The following EPHB1 variants were observed in gnomAD, a reference collection of about 807,000 sequenced individuals.
EPHB1 encodes ephrin type-B receptor 1.
Under a neutral mutation model 94.4 loss-of-function variants are expected in EPHB1, and 30 were observed. The ratio of observed to expected loss-of-function variants is 0.32; its 90% CI spans 0.24 to 0.43. The LOEUF is 0.43. Ranked by LOEUF, EPHB1 falls within the 20% of genes least tolerant of loss-of-function variation. EPHB1 has a pLI of 1.00. For synonymous variants in EPHB1, 522 were observed against 489.1 expected (o/e 1.07, Z -0.89); for missense variants, 1,055 against 1,308.3 (o/e 0.81, Z 2.99).
At chr3:134,883,401 G>A (rs113768221) in intron 1 of EPHB1, among the ~76,000 whole-genome samples, 1 of 152,178 alleles carries the variant, frequency 6.6e-6, no homozygotes, top group Admixed American at 6.5e-5. Context: ...AAAATTAAAT[G>A]TCCTGCCATG....
intron 9 of EPHB1, among the ~76,000 whole-genome samples, chr3:135,173,121 G>A (rs904155804): frequency 4.8e-5 from 7 of 147,142 alleles, no homozygotes; most frequent in Admixed American, 6.8e-5. Flanking sequence ...TGCAAGCTCC[G>A]CCTCCCGGGT....
chr3:135,091,690 G>A (rs908988971), intron 3 of EPHB1, among the ~76,000 whole-genome samples: 2 of 152,210 alleles, frequency 1.3e-5, no homozygotes, highest in East Asian at 1.9e-4. Context: ...TATTTGCCTC[G>A]TCAGAGTTTG....
chr3:135,078,798 A>G (rs1342151943), intron 3 of EPHB1, among the ~76,000 whole-genome samples: 2 of 152,230 alleles, frequency 1.3e-5, no homozygotes, highest in Non-Finnish European at 2.9e-5. Flanking sequence ...AACATCTCTC[A>G]TATGCCTTGA....
intron 1 of EPHB1, among the ~76,000 whole-genome samples, chr3:134,896,722 G>A (rs2107687794): frequency 6.6e-6 from 1 of 152,368 alleles, no homozygotes; most frequent in Admixed American, 6.5e-5. Context: ...GAGGTGCCAG[G>A]TTCAGGGGGA....
intron 5 of EPHB1, among the ~76,000 whole-genome samples, chr3:135,147,865 C>T (rs1017889028): frequency 6.6e-6 from 1 of 152,214 alleles, no homozygotes. Context: ...CTGTCCCCGT[C>T]ACAATTTCCA....
At chr3:135,170,260 T>G (rs2107701193) in intron 9 of EPHB1, among the ~76,000 whole-genome samples, 1 of 152,254 alleles carries the variant, frequency 6.6e-6, no homozygotes, top group Admixed American at 6.5e-5. Context: ...ACAGAAATGT[T>G]TGCAAACAGA....
intron 3 of EPHB1, among the ~76,000 whole-genome samples, chr3:135,040,956 C>T (rs73864233): frequency 1.9e-4 from 29 of 152,230 alleles, no homozygotes; most frequent in Admixed American, 3.9e-4. Context: ...GATTAGTGAG[C>T]GTCCAGCTGC....
chr3:135,134,234 T>C (rs779796355), intron 5 of EPHB1, among the ~76,000 whole-genome samples: 4 of 152,240 alleles, frequency 2.6e-5, no homozygotes, highest in Admixed American at 2.0e-4. Flanking sequence ...GTTAGTAGAA[T>C]AGCAGGAGCC....
rs749312347 is a variant in EPHB1, at chr3:135,154,263, G to A, written c.1409G>A (p.Arg470Gln). The A allele has an allele frequency of 3.1e-6, 5 of 1,613,776 alleles. No homozygotes were observed. Among genetic ancestry groups the A allele is most frequent in the Admixed American group, 1.7e-5 (1 of 59,988 alleles). ...GGCATCATCCTGGACTATGAGATCC[G>A]GTACTATGAGAAGGTGAGCCAGCTC... Reference protein sequence around the residue: ...PNGIILDYEIRYYEKEHNEFN... With the variant: ...PNGIILDYEIQYYEKEHNEFN... Residue 470 changes from arginine (R) to glutamine (Q), a missense_variant, in exon 6 of 16, where the codon CGG (arginine) becomes CAG (glutamine). Physicochemically the swap from Arg to Gln is conservative, Grantham distance 43. Coordinates refer to ENST00000398015, the MANE Select transcript of EPHB1 (RefSeq NM_004441.5).
chr3:135,201,528 G>A lies in EPHB1; in HGVS notation c.2185G>A (p.Ala729Thr), dbSNP rs542190087. 11 of 1,613,984 alleles carry A rather than the reference G, an allele frequency of 6.8e-6. No individual in the cohort carries two copies. The highest frequency in any genetic ancestry group is 2.7e-5 in the African/African-American group (2 of 74,974). Residue 729 changes from alanine (A) to threonine (T), a missense_variant, in exon 12 of 16, where the codon GCT becomes ACT. Physicochemically the swap from Ala to Thr is moderately conservative, Grantham distance 58 (BLOSUM62 0). Coordinates refer to ENST00000398015, the MANE Select transcript of EPHB1 (RefSeq NM_004441.5). ...IQLVGMLRGI[A>T]AGMKYLAEMN... ...GCTTGTGGGTATGCTCAGGGGCATC[G>A]CTGCTGGCATGAAGTACCTGGCTGA...
chr3:134,796,743 T>C (rs2035836281), intron 1 of EPHB1, among the ~76,000 whole-genome samples: 1 of 152,164 alleles, frequency 6.6e-6, no homozygotes, highest in Non-Finnish European at 1.5e-5. Flanking sequence ...AAACCAACTC[T>C]AGGGGTGATG....
In EPHB1 at chr3:135,047,977, A is replaced by G. The variant is rs533888687; in HGVS notation, c.806-58471A>G. On this transcript the variant is annotated intron_variant, in intron 3 of 15. Coordinates refer to ENST00000398015, the MANE Select transcript of EPHB1 (RefSeq NM_004441.5). ...AAACCCTGCCATAGATGAAAGATGG[A>G]CATTTGTGGGTTACAAAGGGATTGA... Among the ~76,000 whole-genome samples, 31 of 152,320 alleles carry G rather than the reference A, an allele frequency of 2.0e-4. 1 individual carries two copies. In the South Asian group the frequency reaches 6.2e-3, roughly 31 times the overall value.
intron 3 of EPHB1, among the ~76,000 whole-genome samples, chr3:135,068,219 C>T (rs983513978): frequency 6.6e-6 from 1 of 152,216 alleles, no homozygotes; most frequent in African/African-American, 2.4e-5. Flanking sequence ...CTAGCCCTGC[C>T]TCCCATCTGC....
At chr3:135,073,298 G>T (rs75455267) in intron 3 of EPHB1, among the ~76,000 whole-genome samples, 1,589 of 152,158 alleles carry the variant, frequency 0.01, 27 homozygotes, top group African/African-American at 0.036. Context: ...ACCTGCTGTT[G>T]CATCCTCTGC....
At chr3:135,021,327 A>G (rs954507812) in intron 3 of EPHB1, among the ~76,000 whole-genome samples, 9 of 151,858 alleles carry the variant, frequency 5.9e-5, no homozygotes, top group Admixed American at 3.9e-4. Context: ...ATCTGGTAAC[A>G]TATGTTTCAT....
chr3:135,032,944 C>A (rs932887146), intron 3 of EPHB1, among the ~76,000 whole-genome samples: 1 of 152,102 alleles, frequency 6.6e-6, no homozygotes, highest in African/African-American at 2.4e-5. Flanking sequence ...GCTGAGTATT[C>A]CTCCCAGTGC....
At chr3:134,839,129 A>G (rs967814563) in intron 1 of EPHB1, among the ~76,000 whole-genome samples, 2 of 152,202 alleles carry the variant, frequency 1.3e-5, no homozygotes, top group Non-Finnish European at 2.9e-5. Context: ...TTTCTATTTT[A>G]CACATGCAGG....
chr3:135,184,810 A>G (rs1379194895), intron 10 of EPHB1, among the ~76,000 whole-genome samples: 1 of 152,230 alleles, frequency 6.6e-6, no homozygotes, highest in Non-Finnish European at 1.5e-5. Context: ...TTACCTTGGT[A>G]TCTTCAGAGA....
At chr3:135,184,993 T>C (rs1192010616) in intron 10 of EPHB1, among the ~76,000 whole-genome samples, 1 of 152,236 alleles carries the variant, frequency 6.6e-6, no homozygotes, top group African/African-American at 2.4e-5. Context: ...TATAACTGTA[T>C]GCAACAGCCT....
Sources: allele counts gnomAD v4.1 joint callset (sites outside exome capture counted in the v4.1 genomes callset), GRCh38; gene constraint gnomAD v4.1.1; transcripts MANE v1.5; gene names NCBI Gene and HGNC (gene_info 2026-07-23, HGNC 2026-07-21).